Variants in GNAL observed in about 807,000 individuals in gnomAD.
The protein encoded by GNAL is guanine nucleotide-binding protein G(olf) subunit alpha.
In GNAL, 18 loss-of-function variants were observed where a neutral mutation model predicts 55.1. The ratio of observed to expected loss-of-function variants is 0.33; its 90% confidence interval spans 0.23 to 0.48. GNAL has a LOEUF of 0.48. GNAL is among the 20% of genes least tolerant of loss of function. GNAL has a pLI of 0.99. For synonymous variants in GNAL, 253 were observed against 237.0 expected, an observed-to-expected ratio of 1.07 and a Z score of -0.62; for missense variants, 412 against 614.1, an observed-to-expected ratio of 0.67 and a Z score of 3.48.
At chr18:11,850,158 A>T (rs1309378316) in intron 5 of GNAL, among the ~76,000 whole-genome samples, 1 of 152,230 alleles carries the variant, frequency 6.6e-6, no homozygotes, top group Non-Finnish European at 1.5e-5. Flanking sequence ...GAATGACGCA[A>T]ATAATGCTCA....
intron 1 of GNAL, among the ~76,000 whole-genome samples, chr18:11,731,095 G>A (rs2032329153): frequency 6.6e-6 from 1 of 152,124 alleles, no homozygotes; most frequent in Non-Finnish European, 1.5e-5. Flanking sequence ...AAAAGAATGG[G>A]GTATGAGGTG....
intron 4 of GNAL, among the ~76,000 whole-genome samples, chr18:11,774,195 G>T (rs1385605119): frequency 6.6e-6 from 1 of 152,128 alleles, no homozygotes; most frequent in Non-Finnish European, 1.5e-5. Context: ...CCACGCACGG[G>T]GCCCAGTTTG....
At position 11,845,769 on chromosome 18, in the gene GNAL, AAGAG is replaced by A. The variant is rs58313183; in HGVS notation, c.723-16610_723-16607del. Reference sequence around the variant, plus strand: ...GGAGAGAGGGAAGGAAGGAAGAGAAAAGAGAGAGAGAGAGAGAGAAAGAGAGAGG... The same window carrying A: ...GGAGAGAGGGAAGGAAGGAAGAGAAAAGAGAGAGAGAGAGAAAGAGAGAGG... On this transcript the variant is annotated intron_variant, in intron 5 of 11. Transcript: ENST00000334049. Among the ~76,000 whole-genome samples the A allele has an allele frequency of 1.7e-3, 247 of 147,664 alleles. 1 individual carries two copies. The highest frequency in any genetic ancestry group is 2.7e-3 in the African/African-American group (110 of 40,324).
At chr18:11,747,908 G>A (rs2032726880) in intron 1 of GNAL, among the ~76,000 whole-genome samples, 1 of 152,106 alleles carries the variant, frequency 6.6e-6, no homozygotes, top group Non-Finnish European at 1.5e-5. Context: ...CCCCGCAGGT[G>A]GGTGTGTTGC....
At position 11,840,836 on chromosome 18, in the gene GNAL, G is replaced by A. The variant is rs567712906; in HGVS notation, c.722+15821G>A. On this transcript the variant is annotated intron_variant, in intron 5 of 11. Coordinates refer to ENST00000334049, the MANE Select transcript of GNAL (RefSeq NM_182978.4). ...ACTTTGTCCTTCTTTCTTTGATTTAGTTCACGTAAATGACATTGAGGAATT... is the reference window on the plus strand; with the variant it reads ...ACTTTGTCCTTCTTTCTTTGATTTAATTCACGTAAATGACATTGAGGAATT... 2.7e-3 allele frequency among the ~76,000 whole-genome samples: 403 copies of A among 150,506 alleles called. 4 individuals are homozygous for A. The highest frequency in any genetic ancestry group is 9.3e-3 in the African/African-American group (382 of 41,018).
intron 4 of GNAL, among the ~76,000 whole-genome samples, chr18:11,806,203 G>T (rs1252419626): frequency 6.6e-6 from 1 of 152,042 alleles, no homozygotes; most frequent in African/African-American, 2.4e-5. Flanking sequence ...TTATTTGGGG[G>T]TTTTTGTAGA....
At chr18:11,809,126 C>T (rs2143556204) in intron 4 of GNAL, among the ~76,000 whole-genome samples, 1 of 152,198 alleles carries the variant, frequency 6.6e-6, no homozygotes, top group South Asian at 2.1e-4. Flanking sequence ...GGTGTTGTGG[C>T]ATGCACCTGC....
intron 1 of GNAL, among the ~76,000 whole-genome samples, chr18:11,725,885 T>G (rs921448524): frequency 1.3e-5 from 2 of 152,228 alleles, no homozygotes; most frequent in Admixed American, 6.5e-5. Context: ...CATTTTGCAT[T>G]CCCACCAGCA....
intron 4 of GNAL, among the ~76,000 whole-genome samples, chr18:11,798,973 C>G (rs58248860): frequency 0.065 from 9,866 of 151,972 alleles, 474 homozygotes; most frequent in African/African-American, 0.13. Flanking sequence ...ATTAGCTGTG[C>G]ACGGTGACGC....
At chr18:11,767,235 C>A (rs1320275141) in intron 4 of GNAL, among the ~76,000 whole-genome samples, 5 of 150,266 alleles carry the variant, frequency 3.3e-5, no homozygotes, top group African/African-American at 1.2e-4. Context: ...GCTTACACAC[C>A]TGTTCTCTGT....
At chr18:11,710,770 T>C (rs1598406160) in intron 1 of GNAL, among the ~76,000 whole-genome samples, 2 of 152,310 alleles carry the variant, frequency 1.3e-5, no homozygotes, top group East Asian at 3.9e-4. Flanking sequence ...CCAATAGTCT[T>C]ATGAGGGCTT....
At chr18:11,802,572 A>G (rs1052635535) in intron 4 of GNAL, among the ~76,000 whole-genome samples, 2 of 152,170 alleles carry the variant, frequency 1.3e-5, no homozygotes, top group Non-Finnish European at 2.9e-5. Flanking sequence ...GATTCTCTTC[A>G]TCCAAACCCC....
At chr18:11,852,030 C>T (rs751356251) in intron 5 of GNAL, 9 of 1,613,660 alleles carry the variant, frequency 5.6e-6, no homozygotes, top group African/African-American at 1.3e-5. Context: ...AGGGCCAGAC[C>T]GGCTCCGTGG....
At chr18:11,865,841 T>C (rs1374895454) in intron 7 of GNAL, among the ~76,000 whole-genome samples, 1 of 147,162 alleles carries the variant, frequency 6.8e-6, no homozygotes, top group Non-Finnish European at 1.5e-5. Flanking sequence ...GCATATCTAC[T>C]ATGCAGCCAT....
At chr18:11,765,725 C>T (rs2033385216) in intron 4 of GNAL, among the ~76,000 whole-genome samples, 1 of 152,214 alleles carries the variant, frequency 6.6e-6, no homozygotes, top group East Asian at 1.9e-4. Flanking sequence ...CATGTTGCTG[C>T]AAATGACAGG....
intron 4 of GNAL, among the ~76,000 whole-genome samples, chr18:11,779,743 C>T (rs2033879792): frequency 6.6e-6 from 1 of 152,186 alleles, no homozygotes; most frequent in Admixed American, 6.5e-5. Context: ...TGGGGGATCA[C>T]AGTGAACAAG....
chr18:11,726,278 A>G (rs924807094), intron 1 of GNAL, among the ~76,000 whole-genome samples: 12 of 152,236 alleles, frequency 7.9e-5, no homozygotes, highest in Non-Finnish European at 1.6e-4. Flanking sequence ...CTCTGTTAAG[A>G]ATTTAATAGG....
chr18:11,880,884 G>A, intron 11 of GNAL, 105 bp from the exon 12 acceptor site: 1 of 1,199,446 alleles, frequency 8.3e-7, no homozygotes, highest in South Asian at 1.4e-5. Flanking sequence ...AAAACAAGCA[G>A]GCCACTGTCA....
chr18:11,747,261 A>G (rs1419076092), intron 1 of GNAL: 2 of 290,876 alleles, frequency 6.9e-6, no homozygotes, highest in Non-Finnish European at 1.4e-5. Context: ...ACATTTGAGG[A>G]CTCCAGTCTG....
Sources: allele counts gnomAD v4.1 joint callset (sites outside exome capture counted in the v4.1 genomes callset), GRCh38; gene constraint gnomAD v4.1.1; transcripts MANE v1.5; gene names NCBI Gene and HGNC (gene_info 2026-07-23, HGNC 2026-07-21).